The following SASH1 variants were observed in gnomAD, a reference collection of about 807,000 sequenced individuals.
SASH1 encodes the protein SAM and SH3 domain containing 1, also known as SAM and SH3 domain-containing protein 1.
SASH1 carries 44 observed loss-of-function variants against 125.2 expected under a neutral mutation model. The ratio of observed to expected loss-of-function variants is 0.35; its 90% CI spans 0.28 to 0.45. The LOEUF (loss-of-function observed/expected upper bound fraction) is 0.45. Among genes scored for constraint, SASH1 ranks in the 20% least tolerant of loss-of-function variants. The pLI is 1.00. For missense variants in SASH1, 1,426 were observed against 1,614.5 expected, an observed-to-expected ratio of 0.88 and a Z score of 2.00; for synonymous variants, 639 against 649.1, an observed-to-expected ratio of 0.98 and a Z score of 0.24.
chr6:148,290,412 C>G (rs1441400252), intron 1 of SASH1, among the ~76,000 whole-genome samples: 1 of 151,490 alleles, frequency 6.6e-6, no homozygotes, highest in East Asian at 2.0e-4. Context: ...CGAGACCATC[C>G]TGGCTAACAG....
rs77757856 is a variant in SASH1 at position 148,354,008 on chromosome 6, A to C, written c.156+10785A>C. Among the ~76,000 whole-genome samples, 37 of 152,164 alleles carry C rather than the reference A, an allele frequency of 2.4e-4. No individual in the cohort carries two copies. In the East Asian group the frequency reaches 7.0e-3, roughly 29 times the overall value. On this transcript the variant is annotated intron_variant, in intron 1 of 19. Transcript: ENST00000367467. ...AAGATGGAGAGACCACACCTCTACA[A>C]AAAAAATTTAAAAGAGTAACCAGGC...
chr6:148,345,979 G>A (rs754090247), intron 1 of SASH1, among the ~76,000 whole-genome samples: 4 of 152,152 alleles, frequency 2.6e-5, no homozygotes, highest in Non-Finnish European at 5.9e-5. Context: ...AACTTGAAGA[G>A]GACAGTAGAG....
chr6:148,206,089 T>G, the SASH1 span, among the ~76,000 whole-genome samples: 2 of 152,186 alleles, frequency 1.3e-5, no homozygotes, highest in Non-Finnish European at 2.9e-5. Flanking sequence ...GATAAATAAT[T>G]AAAAGATTTT....
chr6:148,245,571 C>A, the SASH1 span, among the ~76,000 whole-genome samples: 1 of 152,106 alleles, frequency 6.6e-6, no homozygotes, highest in Non-Finnish European at 1.5e-5. Context: ...ATAGAACTGG[C>A]AGTGTAGCTC....
chr6:148,464,533 T>C (rs949536296), intron 4 of SASH1, among the ~76,000 whole-genome samples: 3 of 152,178 alleles, frequency 2.0e-5, no homozygotes, highest in Non-Finnish European at 2.9e-5. Context: ...GAGGCCTCTT[T>C]GGAGCTGACG....
chr6:148,390,196 T>C lies in SASH1; in HGVS notation c.219T>C (p.Cys73=). ...AGTATGCAGATTATTACAACACCTG[T>C]TTCTCCGACGTGTGCGAGAGGATGG... ...AQQYADYYNT[C]FSDVCERMEE... Residue 73 remains cysteine (C), a synonymous_variant, in exon 2 of 20, where the codon TGT becomes TGC. Transcript: ENST00000367467. 1 of 1,613,534 alleles carries C rather than the reference T, an allele frequency of 6.2e-7. No individual in the cohort carries two copies. The highest frequency in any genetic ancestry group is 8.5e-7 in the Non-Finnish European group (1 of 1,179,830).
intron 8 of SASH1, among the ~76,000 whole-genome samples, chr6:148,491,575 A>G (rs73587737): frequency 0.025 from 3,805 of 152,208 alleles, 153 homozygotes; most frequent in African/African-American, 0.085. Flanking sequence ...TGGCCTGAAC[A>G]TTCATTCTTC....
In SASH1 at chr6:148,334,685, G is replaced by A. The variant is rs575670871; in HGVS notation, n.75-55449G>A. Among the ~76,000 whole-genome samples the A allele has an allele frequency of 1.3e-3, 192 of 151,572 alleles. 3 individuals are homozygous for A. The highest frequency in any genetic ancestry group is 4.3e-3 in the African/African-American group (176 of 41,336). The stretch of plus-strand genomic sequence containing the variant: ...AAATTAGCCAGGTGTGGTGGCACGC[G>A]CGTGTAATCCTAGCTACTGGGGAGG... On this transcript the variant is annotated intron_variant and non_coding_transcript_variant, in intron 1 of 3. Coordinates refer to the SASH1 transcript ENST00000367469.
intron 7 of SASH1, among the ~76,000 whole-genome samples, chr6:148,478,215 A>G (rs546757092): frequency 1.3e-5 from 2 of 152,352 alleles, no homozygotes; most frequent in South Asian, 4.1e-4. Context: ...GCATAGAGCT[A>G]TCTGCACTCT....
intron 1 of SASH1, among the ~76,000 whole-genome samples, chr6:148,289,280 AG>A (rs11327611): frequency 0.072 from 10,931 of 152,240 alleles, 926 homozygotes; most frequent in African/African-American, 0.19. Flanking sequence ...AGAAAAGAGA[AG>A]GGAGGGATGG....
chr6:148,527,845 G>C (rs370699493), intron 12 of SASH1, among the ~76,000 whole-genome samples: 21 of 152,336 alleles, frequency 1.4e-4, no homozygotes, highest in South Asian at 4.1e-4. Flanking sequence ...GTACAGACAA[G>C]AGAGACAGAC....
the SASH1 span, among the ~76,000 whole-genome samples, chr6:148,238,288 A>G: frequency 1.3e-5 from 2 of 151,956 alleles, no homozygotes; most frequent in Non-Finnish European, 2.9e-5. Context: ...CAGTGGCGCA[A>G]TCTCGGCCCA....
chr6:148,198,118 G>T, the SASH1 span, among the ~76,000 whole-genome samples: 1 of 152,182 alleles, frequency 6.6e-6, no homozygotes, highest in East Asian at 1.9e-4. Flanking sequence ...CCAAAGTGCT[G>T]CAATCACAGG....
intron 7 of SASH1, chr6:148,479,438 G>A (rs1197891102): frequency 9.8e-6 from 2 of 205,046 alleles, no homozygotes; most frequent in Non-Finnish European, 2.1e-5. Context: ...GGAGTTGAAT[G>A]TGACATGCCT....
the SASH1 span, among the ~76,000 whole-genome samples, chr6:148,259,822 T>C: frequency 6.6e-6 from 1 of 152,196 alleles, no homozygotes; most frequent in Admixed American, 6.5e-5. Context: ...TTTTTAAAAC[T>C]AAGGTGATTT....
At chr6:148,391,414 C>T in intron 2 of SASH1, among the ~76,000 whole-genome samples, 1 of 112,156 alleles carries the variant, frequency 8.9e-6, no homozygotes, top group African/African-American at 3.4e-5. Context: ...GGCCTAAAGA[C>T]ACTTTTATAA....
intron 1 of SASH1, among the ~76,000 whole-genome samples, chr6:148,314,469 CAATT>C (rs1780425698): frequency 1.3e-5 from 2 of 152,218 alleles, no homozygotes; most frequent in South Asian, 4.1e-4. Context: ...GATTTGAAAA[CAATT>C]TATATGGTAA....
At chr6:148,393,846 C>A in intron 2 of SASH1, 1 of 331,530 alleles carries the variant, frequency 3.0e-6, no homozygotes, top group Non-Finnish European at 4.3e-6. Context: ...TTGTAGTTAG[C>A]AAGTAAGACC....
At chr6:148,198,346 T>C in the SASH1 span, among the ~76,000 whole-genome samples, 1 of 152,228 alleles carries the variant, frequency 6.6e-6, no homozygotes, top group Non-Finnish European at 1.5e-5. Flanking sequence ...TCTAGCAGTG[T>C]GAAAATGGAC....
Sources: gnomAD v4.1 joint callset for allele counts (sites outside exome capture counted in the v4.1 genomes callset) on GRCh38, gnomAD v4.1.1 for gene constraint, MANE v1.5 for transcripts, NCBI Gene and HGNC (gene_info 2026-07-23, HGNC 2026-07-21) for gene names.